TTC27: variants seen among roughly 807,000 people sequenced by gnomAD.
TTC27 encodes tetratricopeptide repeat protein 27.
A neutral mutation model predicts 115.9 loss-of-function variants in TTC27; 79 were observed. The observed-to-expected ratio is 0.68, with a 90% confidence interval of 0.57 to 0.82. The LOEUF (loss-of-function observed/expected upper bound fraction) is 0.82. Ranked by LOEUF, TTC27 falls within the 40% of genes least tolerant of loss-of-function variation. The pLI is 0.00. For missense variants in TTC27, 1,054 were observed against 993.1 expected (o/e 1.06, Z -0.82); for synonymous variants, 401 against 356.0 (o/e 1.13, Z -1.42).
chr2:32,680,937 G>C (rs1666400655), intron 9 of TTC27, among the ~76,000 whole-genome samples: 1 of 151,936 alleles, frequency 6.6e-6, no homozygotes, highest in South Asian at 2.1e-4. Context: ...TCCTTCCCTT[G>C]CACTGTGAGG....
intron 9 of TTC27, among the ~76,000 whole-genome samples, chr2:32,681,980 ATGTGTGTGTGTGTGTGTGTGTG>A (rs70938359): frequency 6.7e-5 from 6 of 90,042 alleles, no homozygotes; most frequent in African/African-American, 1.7e-4. Context: ...ATGTATATAT[ATGTGTGTGTGTGTGTGTGTGTG>A]TGTGTGTGTG....
Position 32,745,054 on chromosome 2 carries a change from C to CAAAA in TTC27, c.1452+8262_1452+8265dup, listed in dbSNP as rs57044153. ...CTGGGCAACAGAGTGAACTCTGTCT[C>CAAAA]AAAAAAAAAAAAAAAAAAAAAAAAA... On this transcript the variant is annotated intron_variant, in intron 12 of 19. Coordinates refer to ENST00000317907, the MANE Select transcript of TTC27 (RefSeq NM_017735.5). Among the ~76,000 whole-genome samples the CAAAA allele has an allele frequency of 5.6e-4, 28 of 49,882 alleles. 4 individuals carry two copies. Among genetic ancestry groups the CAAAA allele is most frequent in the South Asian group, 1.2e-3 (1 of 822 alleles). The allele number at this position is 49,882 out of a possible 152,430, so 32.7% of individuals were successfully genotyped here. A position where few individuals can be genotyped will look rare whatever the true frequency, so the allele number is the denominator to read the frequency against.
intron 10 of TTC27, 22 bp from the exon 11 acceptor site, chr2:32,733,806 A>T (rs1484684622): frequency 2.0e-6 from 3 of 1,485,234 alleles, no homozygotes; most frequent in Admixed American, 3.6e-5. Flanking sequence ...ATAGATTCTG[A>T]TTGTGATATA....
intron 7 of TTC27, 25 bp from the exon 8 acceptor site, chr2:32,672,247 A>C: frequency 6.4e-7 from 1 of 1,559,988 alleles, no homozygotes. Flanking sequence ...TTTTGGTCTA[A>C]GTATTTTCTT....
chr2:32,672,678 T>A (rs1666054484), intron 8 of TTC27, among the ~76,000 whole-genome samples: 1 of 152,224 alleles, frequency 6.6e-6, no homozygotes, highest in East Asian at 1.9e-4. Context: ...AATGACTATT[T>A]TGAGATTTGA....
chr2:32,666,149 C>G (rs2151880472), intron 6 of TTC27, among the ~76,000 whole-genome samples: 1 of 152,092 alleles, frequency 6.6e-6, no homozygotes, highest in South Asian at 2.1e-4. Flanking sequence ...ATTTCAGAGA[C>G]ATAATGAAAA....
intron 5 of TTC27, among the ~76,000 whole-genome samples, chr2:32,659,075 C>T (rs1356730844): frequency 2.0e-5 from 3 of 152,108 alleles, no homozygotes; most frequent in Non-Finnish European, 2.9e-5. Context: ...AATGATCCTC[C>T]CGTCTCAGCC....
intron 16 of TTC27, among the ~76,000 whole-genome samples, chr2:32,806,472 A>G (rs550034364): frequency 6.6e-6 from 1 of 152,342 alleles, no homozygotes; most frequent in African/African-American, 2.4e-5. Context: ...CTTAGTGGGA[A>G]TAAAAATGAT....
chr2:32,647,717 C>T (rs554886010), intron 4 of TTC27, among the ~76,000 whole-genome samples: 3 of 152,204 alleles, frequency 2.0e-5, no homozygotes, highest in African/African-American at 4.8e-5. Context: ...ATATACCTGT[C>T]GTCCCAGGTA....
At chr2:32,728,878 G>A (rs1174740864) in intron 10 of TTC27, among the ~76,000 whole-genome samples, 1 of 152,142 alleles carries the variant, frequency 6.6e-6, no homozygotes, top group Non-Finnish European at 1.5e-5. Flanking sequence ...ATGGCAATGA[G>A]CTTGACTAGT....
At chr2:32,811,823 T>C (rs1671325402) in intron 17 of TTC27, among the ~76,000 whole-genome samples, 1 of 152,196 alleles carries the variant, frequency 6.6e-6, no homozygotes, top group Admixed American at 6.5e-5. Flanking sequence ...TATGTTTCTT[T>C]TCAAAACACC....
chr2:32,763,610 T>C (rs994319753), intron 13 of TTC27, among the ~76,000 whole-genome samples: 4 of 152,180 alleles, frequency 2.6e-5, no homozygotes, highest in South Asian at 2.1e-4. Context: ...CTTCTATAAA[T>C]TGAGTGAGAG....
intron 14 of TTC27, among the ~76,000 whole-genome samples, chr2:32,780,776 A>G (rs1670148669): frequency 2.0e-5 from 3 of 151,920 alleles, no homozygotes; most frequent in South Asian, 4.1e-4. Context: ...GTTAGCATAT[A>G]GAAACACAGT....
chr2:32,657,020 C>G (rs1428365703), intron 5 of TTC27, among the ~76,000 whole-genome samples: 3 of 140,582 alleles, frequency 2.1e-5, no homozygotes, highest in South Asian at 2.2e-4. Flanking sequence ...GAATCTTGCT[C>G]TGTTGCCCAG....
At chr2:32,705,063 G>A in intron 10 of TTC27, 1 of 397,838 alleles carries the variant, frequency 2.5e-6, no homozygotes, top group Non-Finnish European at 5.2e-6. Context: ...TGTTGGAGAT[G>A]GGGCCTGGTG....
At chr2:32,767,917 A>G (rs1420359387) in intron 13 of TTC27, among the ~76,000 whole-genome samples, 1 of 152,224 alleles carries the variant, frequency 6.6e-6, no homozygotes, top group African/African-American at 2.4e-5. Context: ...AGAGTCAACA[A>G]TTTTAAATGT....
chr2:32,766,554 A>C (rs1437884118), intron 13 of TTC27: 1 of 391,470 alleles, frequency 2.6e-6, no homozygotes, highest in African/African-American at 2.1e-5. Context: ...TTATCAGTTA[A>C]GTTCACTGTC....
intron 5 of TTC27, 141 bp from the exon 6 acceptor site, chr2:32,664,162 T>C (rs1461278113): frequency 1.1e-5 from 7 of 655,894 alleles, no homozygotes; most frequent in Non-Finnish European, 1.7e-5. Flanking sequence ...AGTGTTACTG[T>C]ATTCCTCAGG....
At chr2:32,682,844 G>GTGTT (rs1666481807) in intron 9 of TTC27, among the ~76,000 whole-genome samples, 2 of 56,990 alleles carry the variant, frequency 3.5e-5, no homozygotes, top group Non-Finnish European at 3.0e-5. Context: ...AATTTTTATT[G>GTGTT]TTGTTTTTTT....
Sources: allele counts gnomAD v4.1 joint callset (sites outside exome capture counted in the v4.1 genomes callset), GRCh38; gene constraint gnomAD v4.1.1; transcripts MANE v1.5; gene names NCBI Gene and HGNC (gene_info 2026-07-23, HGNC 2026-07-21).